The following TMPRSS2 variants were observed in gnomAD, a reference collection of about 807,000 sequenced individuals.
The protein encoded by TMPRSS2 is transmembrane serine protease 2.
Under a neutral mutation model 67.4 loss-of-function variants are expected in TMPRSS2, and 59 were observed. That is an observed-to-expected ratio of 0.88 (90% CI 0.71 to 1.09). TMPRSS2 has a LOEUF of 1.09. Among genes scored for constraint, TMPRSS2 ranks in the 50% least tolerant of loss-of-function variants. TMPRSS2 has a pLI of 0.00. For missense variants in TMPRSS2, 668 were observed against 642.7 expected, an observed-to-expected ratio of 1.04 and a Z score of -0.43; for synonymous variants, 257 against 257.0, an observed-to-expected ratio of 1.00 and a Z score of 0.00.
In TMPRSS2 at chr21:41,473,350, C is replaced by T. The variant is rs776538081; in HGVS notation, c.874G>A (p.Val292Met). The T allele has an allele frequency of 4.9e-5, 78 of 1,606,088 alleles. 1 individual carries two copies. Among genetic ancestry groups the T allele is most frequent in the Non-Finnish European group, 6.0e-5 (71 of 1,177,242 alleles). Residue 292 changes from valine (V) to methionine (M), a missense_variant, in exon 9 of 14, where the codon GTG (valine) becomes ATG (methionine). By Grantham distance (21) the Val-to-Met change is conservative (BLOSUM62 1). Coordinates refer to ENST00000332149, the MANE Select transcript of TMPRSS2 (RefSeq NM_005656.4). Reference protein sequence around the residue: ...GGSIITPEWIVTAAHCVEKPL... With the variant: ...GGSIITPEWIMTAAHCVEKPL... ...TTTTCCACGCAGTGGGCGGCTGTCA[C>T]GATCCACTCGGGGGTGATGATGGAG...
chr21:41,467,786 C>T lies in TMPRSS2; in HGVS notation c.1415G>A (p.Gly472Glu). ...GAATACCATCACATTCCCGTACACT[C>T]CTGGTCTGTAAGCTTTGGCACAGCC... ...GSGCAKAYRP[G>E]VYGNVMVFTD... Residue 472 changes from glycine (G) to glutamate (E), a missense_variant, in exon 13 of 14, where the codon GGA becomes GAA. Coordinates refer to ENST00000332149, the MANE Select transcript of TMPRSS2 (RefSeq NM_005656.4). 6.2e-7 allele frequency: 1 copy of T among 1,614,250 alleles called. No individual in the cohort carries two copies. The highest frequency in any genetic ancestry group is 8.5e-7 in the Non-Finnish European group (1 of 1,180,042).
chr21:41,464,558 GA>G lies in TMPRSS2; in HGVS notation c.*1583del, dbSNP rs143680939. 24,537 of 218,042 alleles carry G rather than the reference GA, an allele frequency of 0.11. 1,631 individuals carry two copies. Among genetic ancestry groups the G allele is most frequent in the Non-Finnish European group, 0.13 (14,072 of 109,104 alleles). 13.5% of individuals were successfully genotyped at this position (218,042 alleles called of 1,614,324 possible). Reference sequence around the variant, plus strand: ...ACTTCAAAGATGCAGTAGTTACTTTGAAAAAAAAATTGCATAATTTATTTGC... The same window carrying G: ...ACTTCAAAGATGCAGTAGTTACTTTGAAAAAAAATTGCATAATTTATTTGC... On this transcript the variant is annotated 3_prime_UTR_variant, in exon 14 of 14. Coordinates refer to ENST00000332149, the MANE Select transcript of TMPRSS2 (RefSeq NM_005656.4).
At chr21:41,467,385 T>A (rs1469924177) in intron 13 of TMPRSS2, among the ~76,000 whole-genome samples, 1 of 140,394 alleles carries the variant, frequency 7.1e-6, no homozygotes, top group African/African-American at 2.7e-5. Flanking sequence ...TGAGACTCCA[T>A]CTCAAAAAAA....
intron 3 of TMPRSS2, among the ~76,000 whole-genome samples, chr21:41,491,092 G>A (rs2091331793): frequency 6.6e-6 from 1 of 151,698 alleles, no homozygotes; most frequent in Admixed American, 6.6e-5. Context: ...GGGGAATGTG[G>A]TGGTTCCCAT....
Position 41,480,600 on chromosome 21 carries a change from G to T in TMPRSS2, c.448C>A (p.Arg150Ser). 6.2e-7 allele frequency: 1 copy of T among 1,613,568 alleles called. No homozygotes were observed. ...PGGEDENRCV[R>S]LYGPNFILQV... is the part of the protein sequence containing the mutation. ...AGGATGAAGTTTGGTCCGTAGAGGC[G>T]AACTGCACGAGAGGGAGGATTATCC... Residue 150 changes from arginine to serine, a missense_variant and splice_region_variant, in exon 6 of 14, where the codon CGC (arginine) becomes AGC (serine). Physicochemically the swap from Arg to Ser is moderately radical, Grantham distance 110 (BLOSUM62 -1). Coordinates refer to ENST00000332149, the MANE Select transcript of TMPRSS2 (RefSeq NM_005656.4).
At chr21:41,471,297 T>A (rs978378263) in intron 10 of TMPRSS2, among the ~76,000 whole-genome samples, 2 of 152,222 alleles carry the variant, frequency 1.3e-5, no homozygotes, top group African/African-American at 4.8e-5. Context: ...ATTAAGCAAC[T>A]TGGTTTTAGA....
chr21:41,502,633 A>G (rs1460800169), intron 1 of TMPRSS2: 1 of 972,844 alleles, frequency 1.0e-6, no homozygotes. Context: ...TCCTAAGGAT[A>G]GAATGCATGA....
Position 41,479,229 on chromosome 21 carries a change from A to G in TMPRSS2, c.626T>C (p.Phe209Ser). The change falls in exon 7 of 14, where the codon TTT becomes TCT. Residue 209 changes from phenylalanine to serine, a missense_variant. Phe to Ser is a radical substitution (Grantham distance 155). Coordinates refer to ENST00000332149, the MANE Select transcript of TMPRSS2 (RefSeq NM_005656.4). ...GCCGGCACTTGTGTTCAGTTTCATAAAGCTGGTGGATCCGCTGTCATCCAC... is the reference window on the plus strand; with the variant it reads ...GCCGGCACTTGTGTTCAGTTTCATAGAGCTGGTGGATCCGCTGTCATCCAC... The part of the protein sequence containing the change: ...GIVDDSGSTS[F>S]MKLNTSAGNV... The G allele has an allele frequency of 6.2e-7, 1 of 1,614,040 alleles. No individual in the cohort carries two copies. The highest frequency in any genetic ancestry group is 2.2e-5 in the East Asian group (1 of 44,884).
chr21:41,473,483 G>A lies in TMPRSS2; in HGVS notation c.741C>T (p.Asn247=), dbSNP rs1415877771. 1 of 1,608,498 alleles carries A rather than the reference G, an allele frequency of 6.2e-7. No homozygotes were observed. Among genetic ancestry groups the A allele is most frequent in the Admixed American group, 1.7e-5 (1 of 59,666 alleles). The change falls in exon 9 of 14, where the codon AAC becomes AAT. Residue 247 remains asparagine, a synonymous_variant. Transcript: ENST00000332149. ...VSLRCIACGV[N]LNSSRQSRIV... ...TCCTGCTCTGGCGGCTTGAGTTCAA[G>A]TTGACCCCGCAGGCTGAGGATGACA... is the stretch of plus-strand genomic sequence containing the variant.
chr21:41,482,512 G>T (rs1319664342), intron 5 of TMPRSS2, among the ~76,000 whole-genome samples: 1 of 152,196 alleles, frequency 6.6e-6, no homozygotes, highest in Non-Finnish European at 1.5e-5. Flanking sequence ...ATACACATGG[G>T]CTTAAAGTAT....
chr21:41,489,741 A>G (rs1359113455), intron 3 of TMPRSS2, 148 bp from the exon 4 acceptor site: 11 of 601,616 alleles, frequency 1.8e-5, no homozygotes, highest in Admixed American at 9.4e-5. Context: ...TTTAAGAAAT[A>G]TCATGGACGA....
chr21:41,471,654 C>G lies in TMPRSS2; in HGVS notation c.1075+152G>C. 4 of 793,142 alleles carry G rather than the reference C, an allele frequency of 5.0e-6. No homozygotes were observed. In the East Asian group the frequency reaches 1.1e-4, roughly 21 times the overall value. The allele number at this position is 793,142 out of a possible 1,614,324, so 49.1% of individuals were successfully genotyped here. ...CCAAAATGCGGCAGGTGCTCTTAGC[C>G]TCTGTGAGCCTCTCCCATTGGCCAC... On this transcript the variant is annotated intron_variant, in intron 10 of 13. Transcript: ENST00000332149.
chr21:41,506,108 G>A (rs2091455849), intron 1 of TMPRSS2, among the ~76,000 whole-genome samples: 1 of 152,226 alleles, frequency 6.6e-6, no homozygotes, highest in African/African-American at 2.4e-5. Context: ...TACAATTAAG[G>A]TGACTTGAGT....
chr21:41,466,873 C>T (rs940604048), intron 13 of TMPRSS2, among the ~76,000 whole-genome samples: 1 of 152,140 alleles, frequency 6.6e-6, no homozygotes, highest in Non-Finnish European at 1.5e-5. Flanking sequence ...TGGTTCTCAC[C>T]CCCTATCTGG....
At chr21:41,477,856 G>C (rs961131520) in intron 7 of TMPRSS2, among the ~76,000 whole-genome samples, 11 of 152,048 alleles carry the variant, frequency 7.2e-5, no homozygotes, top group Non-Finnish European at 1.5e-4. Flanking sequence ...CTGCTGCACA[G>C]AAAGAGGAAA....
At chr21:41,470,956 G>C (rs995005398) in intron 10 of TMPRSS2, among the ~76,000 whole-genome samples, 1 of 152,198 alleles carries the variant, frequency 6.6e-6, no homozygotes, top group African/African-American at 2.4e-5. Flanking sequence ...AGAATTATTT[G>C]CTAGCTCTGC....
chr21:41,488,296 G>T (rs926564210), intron 5 of TMPRSS2, 98 bp downstream of exon 5: 11 of 1,408,210 alleles, frequency 7.8e-6, no homozygotes, highest in Non-Finnish European at 6.9e-6. Context: ...TCAGCGTACT[G>T]GACGCACGCC....
chr21:41,471,871 T>C lies in TMPRSS2; in HGVS notation c.1010A>G (p.Tyr337Cys), dbSNP rs1191785620. 1.2e-6 allele frequency: 2 copies of C among 1,613,644 alleles called. No individual in the cohort carries two copies. The highest frequency in any genetic ancestry group is 2.2e-5 in the South Asian group (2 of 91,080). The change falls in exon 10 of 14, where the codon TAT becomes TGT. Residue 337 changes from tyrosine to cysteine, a missense_variant. Physicochemically the swap from Tyr to Cys is radical, Grantham distance 194. Coordinates refer to ENST00000332149, the MANE Select transcript of TMPRSS2 (RefSeq NM_005656.4). The stretch of plus-strand genomic sequence containing the variant: ...GTCATTGTTCTTGGTCTTGGAGTCA[T>C]AATTTGGATGAGAAATCACTTTTTC... Reference protein sequence around the residue: ...QVEKVISHPNYDSKTKNNDIA... With the variant: ...QVEKVISHPNCDSKTKNNDIA...
intron 10 of TMPRSS2, 117 bp downstream of exon 10, chr21:41,471,689 G>A (rs984500079): frequency 3.7e-5 from 46 of 1,235,328 alleles, no homozygotes; most frequent in Admixed American, 4.8e-5. Flanking sequence ...CCCGCTGCAC[G>A]CTACCCTCGC....
Sources: allele counts gnomAD v4.1 joint callset (sites outside exome capture counted in the v4.1 genomes callset), GRCh38; gene constraint gnomAD v4.1.1; transcripts MANE v1.5; gene names NCBI Gene and HGNC (gene_info 2026-07-23, HGNC 2026-07-21).